CPNE4: variants seen among roughly 807,000 people sequenced by gnomAD.
CPNE4 encodes the protein copine 4, also known as copine-4.
Under a neutral mutation model 67.9 loss-of-function variants are expected in CPNE4, and 25 were observed. That is an observed-to-expected ratio of 0.37 (90% confidence interval 0.27 to 0.51). CPNE4 has a LOEUF of 0.51. CPNE4 is among the 20% of genes least tolerant of loss of function. CPNE4 has a pLI of 0.93. For missense variants in CPNE4, 464 were observed against 690.8 expected (o/e 0.67, Z 3.68); for synonymous variants, 242 against 244.9 (o/e 0.99, Z 0.11).
chr3:131,952,632 C>A (rs1438923732), intron 1 of CPNE4, among the ~76,000 whole-genome samples: 2 of 145,642 alleles, frequency 1.4e-5, no homozygotes, highest in Non-Finnish European at 1.5e-5. Flanking sequence ...GGGTCAGCCC[C>A]CCTCCCGGCC....
chr3:131,724,293 A>G (rs1428258121), intron 2 of CPNE4, among the ~76,000 whole-genome samples: 1 of 152,094 alleles, frequency 6.6e-6, no homozygotes, highest in African/African-American at 2.4e-5. Flanking sequence ...TCACCCATTC[A>G]TTTCAATTCC....
At position 131,571,516 on chromosome 3, in the gene CPNE4, G is replaced by C. The variant is rs142360010; in HGVS notation, c.927+3555C>G. On this transcript the variant is annotated intron_variant, in intron 10 of 15. Transcript: ENST00000429747. ...TTGCCTCGCGTATTTCCCTGACCAG[G>C]TCCACTATGCTCTGTCAGTCAGGCA... Among the ~76,000 whole-genome samples the C allele has an allele frequency of 1.4e-4, 22 of 152,094 alleles. No homozygotes were observed. In the East Asian group the frequency reaches 3.3e-3, roughly 23 times the overall value.
chr3:131,975,360 G>A (rs997911214), intron 1 of CPNE4, among the ~76,000 whole-genome samples: 7 of 152,206 alleles, frequency 4.6e-5, no homozygotes, highest in East Asian at 1.9e-4. Context: ...GGCAACTTGA[G>A]TGAGTTACCT....
intron 1 of CPNE4, among the ~76,000 whole-genome samples, chr3:131,933,043 C>A (rs538723541): frequency 6.6e-6 from 1 of 152,180 alleles, no homozygotes; most frequent in East Asian, 1.9e-4. Context: ...GTCTTCAGGT[C>A]AACATGGCTG....
intron 7 of CPNE4, among the ~76,000 whole-genome samples, chr3:131,651,717 G>T (rs866457651): frequency 6.1e-4 from 93 of 152,196 alleles, no homozygotes; most frequent in African/African-American, 2.1e-3. Flanking sequence ...CAGAGGGGAT[G>T]GAATGTGGGG....
chr3:131,880,266 C>T (rs866914419), intron 2 of CPNE4, among the ~76,000 whole-genome samples: 6 of 151,952 alleles, frequency 3.9e-5, no homozygotes, highest in African/African-American at 9.7e-5. Flanking sequence ...CAGGCGCCCA[C>T]GACCACGCCC....
At chr3:131,929,843 T>C (rs997650926) in intron 1 of CPNE4, among the ~76,000 whole-genome samples, 6 of 151,824 alleles carry the variant, frequency 4.0e-5, no homozygotes, top group South Asian at 2.1e-4. Context: ...TGAATCTGCA[T>C]TGGTGGTATT....
At chr3:131,797,643 A>C (rs1055677992) in intron 2 of CPNE4, among the ~76,000 whole-genome samples, 1 of 152,206 alleles carries the variant, frequency 6.6e-6, no homozygotes, top group African/African-American at 2.4e-5. Context: ...CAATAGATAC[A>C]CAAGGCTGGG....
At position 131,918,901 on chromosome 3, in the gene CPNE4, A is replaced by G. The variant is rs540499929; in HGVS notation, c.-1-13457T>C. 5.9e-5 allele frequency among the ~76,000 whole-genome samples: 9 copies of G among 152,330 alleles called. No individual in the cohort carries two copies. The East Asian group carries it at 9.6e-4, about 16-fold the overall frequency. ...GAAGAAAAAGCATTTTTAAAATGCT[A>G]GAGGCTAAAGAATAACAGGTAGAGG... On this transcript the variant is annotated intron_variant, in intron 1 of 15. Transcript: ENST00000429747.
rs753765218 is a variant in CPNE4, at chr3:131,908,481, G to A, written c.-1-3037C>T. On this transcript the variant is annotated intron_variant, in intron 1 of 15. Transcript: ENST00000429747. The stretch of plus-strand genomic sequence containing the variant: ...TTCAATCAATATCTTCCTGAATTCC[G>A]CTTTTCCCAATGCATTAACTGGCTC... 8.6e-5 allele frequency among the ~76,000 whole-genome samples: 13 copies of A among 151,896 alleles called. 1 individual carries two copies. The highest frequency in any genetic ancestry group is 6.3e-4 in the South Asian group (3 of 4,798).
At chr3:131,799,338 AC>A in intron 2 of CPNE4, among the ~76,000 whole-genome samples, 2 of 152,260 alleles carry the variant, frequency 1.3e-5, no homozygotes, top group Non-Finnish European at 2.9e-5. Context: ...CTCATTTAAG[AC>A]GTGGCACCCA....
intron 2 of CPNE4, among the ~76,000 whole-genome samples, chr3:131,834,318 C>T (rs879351078): frequency 1.5e-4 from 23 of 152,114 alleles, no homozygotes; most frequent in Non-Finnish European, 3.1e-4. Context: ...TTGGCTCATA[C>T]ACTTGTTTAT....
In CPNE4 at chr3:131,949,374, G is replaced by A. The variant is rs1161670249; in HGVS notation, c.-1-43930C>T. On this transcript the variant is annotated intron_variant, in intron 1 of 15. Coordinates refer to ENST00000429747, the MANE Select transcript of CPNE4 (RefSeq NM_130808.3). ...ACTTAGATTAAAATGTCAATCATGG[G>A]CATCCAGAGAAGAATGGAGGAAAGC... Among the ~76,000 whole-genome samples, 5 of 152,120 alleles carry A rather than the reference G, an allele frequency of 3.3e-5. No individual in the cohort carries two copies. In the East Asian group the frequency reaches 7.7e-4, roughly 23 times the overall value.
intron 3 of CPNE4, among the ~76,000 whole-genome samples, chr3:131,715,925 G>T (rs1186969350): frequency 1.3e-5 from 2 of 152,254 alleles, no homozygotes; most frequent in African/African-American, 2.4e-5. Context: ...TCTAAGGAAG[G>T]TCTCAAAACT....
intron 6 of CPNE4, among the ~76,000 whole-genome samples, chr3:131,671,635 A>G (rs1021571009): frequency 6.6e-6 from 1 of 152,124 alleles, no homozygotes; most frequent in African/African-American, 2.4e-5. Context: ...GCACCTCCCC[A>G]TTAGAGTAAA....
intron 12 of CPNE4, among the ~76,000 whole-genome samples, chr3:131,553,509 A>G (rs1265334949): frequency 6.6e-6 from 1 of 152,090 alleles, no homozygotes; most frequent in African/African-American, 2.4e-5. Context: ...GGTGATGTAT[A>G]CATATCCCAG....
intron 2 of CPNE4, among the ~76,000 whole-genome samples, chr3:131,808,500 C>T (rs961753543): frequency 6.6e-6 from 1 of 150,830 alleles, no homozygotes; most frequent in Non-Finnish European, 1.5e-5. Flanking sequence ...ATAGAAACTA[C>T]TCAAACTAAA....
chr3:131,709,986 C>T (rs2107720441), intron 3 of CPNE4, among the ~76,000 whole-genome samples: 1 of 152,266 alleles, frequency 6.6e-6, no homozygotes, highest in East Asian at 1.9e-4. Context: ...TCATTATTAT[C>T]TGTTATTGTA....
At position 131,535,204 on chromosome 3, in the gene CPNE4, T is replaced by C. The variant is rs770399710; in HGVS notation, c.1665A>G (p.Leu555=). 1.9e-6 allele frequency: 3 copies of C among 1,611,916 alleles called. No homozygotes were observed. The highest frequency in any genetic ancestry group is 1.7e-6 in the Non-Finnish European group (2 of 1,179,298). ...AAACTGTGTGGGGAGTTCATGGTGC[T>C]AGTGTTCTGGAAGATTCATACATTT... is the stretch of plus-strand genomic sequence containing the variant. ...SSEMYESSRT[L]AP The change falls in exon 16 of 16, where the codon CTA becomes CTG. Residue 555 remains leucine, a synonymous_variant. Coordinates refer to ENST00000429747, the MANE Select transcript of CPNE4 (RefSeq NM_130808.3).
Sources: gnomAD v4.1 joint callset for allele counts (sites outside exome capture counted in the v4.1 genomes callset) on GRCh38, gnomAD v4.1.1 for gene constraint, MANE v1.5 for transcripts, NCBI Gene and HGNC (gene_info 2026-07-23, HGNC 2026-07-21) for gene names.